AP3B2: variants seen among roughly 807,000 people sequenced by gnomAD.
AP3B2 encodes adaptor related protein complex 3 subunit beta 2, also known as AP-3 complex subunit beta-2.
Under a neutral mutation model 126.9 loss-of-function variants are expected in AP3B2, and 50 were observed. The ratio of observed to expected loss-of-function variants is 0.39; its 90% CI spans 0.31 to 0.50. The LOEUF (loss-of-function observed/expected upper bound fraction) is 0.50. Among genes scored for constraint, AP3B2 ranks in the 20% least tolerant of loss-of-function variants. AP3B2 has a pLI of 0.79. For missense variants in AP3B2, 1,177 were observed against 1,426.4 expected (o/e 0.83, Z 2.82); for synonymous variants, 541 against 565.0 (o/e 0.96, Z 0.60).
intron 1 of AP3B2, chr15:82,691,928 C>A: frequency 1.5e-6 from 2 of 1,338,180 alleles, no homozygotes; most frequent in South Asian, 1.2e-5. Context: ...GTCTTCTTTT[C>A]TGAGATACTC....
At chr15:82,688,873 G>A (rs1273118421) in intron 3 of AP3B2, 42 bp from the exon 4 acceptor site, 8 of 1,542,182 alleles carry the variant, frequency 5.2e-6, no homozygotes, top group Middle Eastern at 1.7e-4. Context: ...TTCTCAGCAG[G>A]CACCTGTGCC....
intron 14 of AP3B2, among the ~76,000 whole-genome samples, chr15:82,669,984 C>G (rs1374515120): frequency 4.0e-5 from 4 of 99,184 alleles, no homozygotes; most frequent in Non-Finnish European, 7.2e-5. Flanking sequence ...GCCTGGGCAA[C>G]AGAGTGAGAA....
chr15:82,662,683 G>A lies in AP3B2; in HGVS notation c.2833+11C>T. On this transcript the variant is annotated intron_variant, in intron 23 of 26. Coordinates refer to ENST00000535359, the MANE Select transcript of AP3B2 (RefSeq NM_001278512.2). ...AGCCTCCTCCTCCACCCCATCCAAA[G>A]CCCTTCGCACCAATTTCGGGAAATT... 6.2e-7 allele frequency: 1 copy of A among 1,605,878 alleles called. No individual in the cohort carries two copies. The highest frequency in any genetic ancestry group is 8.5e-7 in the Non-Finnish European group (1 of 1,175,788).
chr15:82,708,615 C>G (rs981140775), intron 1 of AP3B2, among the ~76,000 whole-genome samples: 1 of 152,182 alleles, frequency 6.6e-6, no homozygotes, highest in African/African-American at 2.4e-5. Flanking sequence ...AATGCAGCAG[C>G]CTGACGTCCT....
chr15:82,703,119 G>T (rs2048744804), intron 1 of AP3B2, among the ~76,000 whole-genome samples: 1 of 152,164 alleles, frequency 6.6e-6, no homozygotes, highest in African/African-American at 2.4e-5. Context: ...CAGGAAGACA[G>T]TCTTCCCTTG....
Position 82,677,284 on chromosome 15 carries a change from T to G in AP3B2, c.1478A>C (p.Asp493Ala). Reference protein sequence around the residue: ...EIIKHLAKLTDNIQVPMARAS... With the variant: ...EIIKHLAKLTANIQVPMARAS... ...TGGCTTCTCCCTCACCTGGATGTTG[T>G]CTGTAAGCTTTGCCAAGTGTTTGAT... Residue 493 changes from aspartate to alanine, a missense_variant, in exon 13 of 27, where the codon GAC (aspartate) becomes GCC (alanine). Physicochemically the swap from Asp to Ala is moderately radical, Grantham distance 126. Coordinates refer to ENST00000535359, the MANE Select transcript of AP3B2 (RefSeq NM_001278512.2). 6.2e-7 allele frequency: 1 copy of G among 1,613,320 alleles called. No individual in the cohort carries two copies. The highest frequency in any genetic ancestry group is 8.5e-7 in the Non-Finnish European group (1 of 1,179,570).
At chr15:82,662,024 G>A in intron 24 of AP3B2, 102 bp from the exon 25 acceptor site, 3 of 1,335,388 alleles carry the variant, frequency 2.2e-6, no homozygotes. Flanking sequence ...GAAAGAGTGA[G>A]GTCAGGAATG....
intron 14 of AP3B2, among the ~76,000 whole-genome samples, chr15:82,675,874 G>C (rs887832687): frequency 5.3e-5 from 8 of 152,142 alleles, no homozygotes; most frequent in Non-Finnish European, 1.5e-5. Context: ...CTTCATTTTA[G>C]GAGAATCTCC....
chr15:82,688,013 GAA>G, intron 4 of AP3B2: 1 of 160,238 alleles, frequency 6.2e-6, no homozygotes, highest in Non-Finnish European at 1.4e-5. Flanking sequence ...AGAGGTGGGA[GAA>G]TCACCTGAGC....
intron 1 of AP3B2, among the ~76,000 whole-genome samples, chr15:82,705,143 T>G (rs903913505): frequency 6.6e-6 from 1 of 152,040 alleles, no homozygotes; most frequent in Non-Finnish European, 1.5e-5. Flanking sequence ...AATCCTCAAG[T>G]ATAGGACACC....
chr15:82,680,140 CGGACAGCGA>C lies in AP3B2; in HGVS notation c.1110+26_1110+34del. 6.2e-7 allele frequency: 1 copy of C among 1,611,976 alleles called. No individual in the cohort carries two copies. The highest frequency in any genetic ancestry group is 1.1e-5 in the South Asian group (1 of 90,980). On this transcript the variant is annotated intron_variant, in intron 9 of 26. Coordinates refer to ENST00000535359, the MANE Select transcript of AP3B2 (RefSeq NM_001278512.2). The surrounding 1 kb of genome is among the most constrained non-coding windows in gnomAD (Gnocchi z 6.1). Reference sequence around the variant, plus strand: ...CTCCAGTGCCCGCAGAAGCGGCCCTCGGACAGCGAGGACAGCCCGCCGTCGCAGGCTCAC... The same window carrying C: ...CTCCAGTGCCCGCAGAAGCGGCCCTCGGACAGCCCGCCGTCGCAGGCTCAC...
In AP3B2 at chr15:82,680,742, T is replaced by C. The variant is rs752912575; in HGVS notation, c.785A>G (p.Glu262Gly). 6.3e-7 allele frequency: 1 copy of C among 1,584,188 alleles called. No homozygotes were observed. The highest frequency in any genetic ancestry group is 1.7e-5 in the Admixed American group (1 of 57,690). ...LSPTQNESLL[E>G]ENAEKAFYGS... ...GTAGAAGGCTTTTTCCGCGTTCTCC[T>C]CTAGTAGGGATTCCTGGACGGGGAG... Residue 262 changes from glutamate to glycine, a missense_variant, in exon 8 of 27, where the codon GAG (glutamate) becomes GGG (glycine). Transcript: ENST00000535359. The surrounding 1 kb of genome is among the most constrained non-coding windows in gnomAD (Gnocchi z 6.1).
chr15:82,691,594 T>C (rs559925280), intron 1 of AP3B2: 43 of 707,142 alleles, frequency 6.1e-5, no homozygotes, highest in Non-Finnish European at 8.2e-5. Context: ...GTAGTTTTTT[T>C]TTCTTCTTTA....
rs1315770257 is a variant in AP3B2, at chr15:82,681,789, T to TA, written c.361-210_361-209insT. 1.3e-5 allele frequency among the ~76,000 whole-genome samples: 2 copies of TA among 152,118 alleles called. No individual in the cohort carries two copies. The highest frequency in any genetic ancestry group is 1.3e-4 in the Admixed American group (2 of 15,260). ...CAGAAATCTGACACCTGAACAGGTG[T>TA]TGCAATGGGTAGCTTCACTTCCAGA... On this transcript the variant is annotated intron_variant, in intron 4 of 26. Coordinates refer to ENST00000535359, the MANE Select transcript of AP3B2 (RefSeq NM_001278512.2). This position sits in a 1 kb window ranked among gnomAD's most constrained non-coding sequence, Gnocchi z 4.0.
intron 15 of AP3B2, 56 bp downstream of exon 15, chr15:82,666,691 T>C (rs2048065202): frequency 6.4e-7 from 1 of 1,568,664 alleles, no homozygotes; most frequent in Non-Finnish European, 8.7e-7. Context: ...GGGCAGAGAC[T>C]CTGGCCAGTT....
At chr15:82,663,527 CT>C in intron 21 of AP3B2, 32 bp downstream of exon 21, 1 of 1,609,902 alleles carries the variant, frequency 6.2e-7, no homozygotes, top group Non-Finnish European at 8.5e-7. Flanking sequence ...CCCAGGCCTC[CT>C]TTCCCCTGTG....
chr15:82,679,656 A>G (rs931659498), intron 10 of AP3B2, 73 bp downstream of exon 10: 1 of 1,383,552 alleles, frequency 7.2e-7, no homozygotes, highest in Non-Finnish European at 1.0e-6. Context: ...CAGGGGGGCC[A>G]CTGTGAGTTA....
chr15:82,682,717 T>A (rs1275360235), intron 4 of AP3B2, among the ~76,000 whole-genome samples: 12 of 146,962 alleles, frequency 8.2e-5, no homozygotes, highest in African/African-American at 2.5e-5. Context: ...TGAGATCCTA[T>A]CTCCAAAAAA....
At chr15:82,699,226 T>C (rs2048679153) in intron 1 of AP3B2, 1 of 156,490 alleles carries the variant, frequency 6.4e-6, no homozygotes, top group Non-Finnish European at 1.4e-5. Context: ...TCCCTTGATA[T>C]ACACCTCGCT....
Sources: allele counts gnomAD v4.1 joint callset (sites outside exome capture counted in the v4.1 genomes callset), GRCh38; gene constraint gnomAD v4.1.1; non-coding constraint Gnocchi (gnomAD v3.1); transcripts MANE v1.5; gene names NCBI Gene and HGNC (gene_info 2026-07-23, HGNC 2026-07-21).